The following PLAC1 variants were observed in gnomAD, a reference collection of about 807,000 sequenced individuals.
PLAC1 encodes the protein placenta associated 1.
For missense variants in PLAC1, 136 were observed against 163.2 expected (o/e 0.83, Z 0.91); for synonymous variants, 68 against 62.1 (o/e 1.09, Z -0.44).
In PLAC1 at chrX:134,616,981, C is replaced by CT. The variant is rs764965156; in HGVS notation, c.-130-14860dup. 2.3e-3 allele frequency among the ~76,000 whole-genome samples: 227 copies of CT among 98,809 alleles called. 1 individual carries two copies. Among genetic ancestry groups the CT allele is most frequent in the Middle Eastern group, 5.2e-3 (1 of 193 alleles). 85.8% of individuals were successfully genotyped at this position (98,809 alleles called of 115,157 possible). On this transcript the variant is annotated intron_variant, in intron 1 of 2. Transcript: ENST00000359237. ...ACTTCTTCCTTTCTTTTCTTTCTTT[C>CT]TTTTTTTTTTTGGTGGGGGGGTGGG...
At chrX:134,763,564 T>C (rs2078775968) in intron 1 of PLAC1, among the ~76,000 whole-genome samples, 2 of 111,280 alleles carry the variant, frequency 1.8e-5, no homozygotes, top group South Asian at 7.5e-4. Flanking sequence ...CTCACGCCTA[T>C]AATCCCAGCA....
chrX:134,599,197 G>A (rs2078077115), intron 2 of PLAC1, among the ~76,000 whole-genome samples: 1 of 111,647 alleles, frequency 9.0e-6, no homozygotes, highest in South Asian at 3.8e-4. Flanking sequence ...AGGATTGTGT[G>A]ATTTCTTTGA....
chrX:134,591,209 C>G (rs767826685), intron 2 of PLAC1, among the ~76,000 whole-genome samples: 1 of 112,194 alleles, frequency 8.9e-6, no homozygotes, highest in Non-Finnish European at 1.9e-5. Context: ...GCATGAAAAT[C>G]TGTCATCTTG....
chrX:134,676,335 G>C (rs977728148), intron 2 of PLAC1, among the ~76,000 whole-genome samples: 2 of 111,201 alleles, frequency 1.8e-5, no homozygotes, highest in African/African-American at 6.5e-5. Context: ...GACCGGAGCA[G>C]ATAAGCTCCG....
exon 2 of PLAC1, chrX:134,733,486 T>C (rs941146623): frequency 1.8e-5 from 2 of 111,883 alleles, no homozygotes; most frequent in Admixed American, 9.5e-5. Flanking sequence ...GCCTTTCTCC[T>C]TCAGACTTCG....
At chrX:134,617,477 G>T (rs1036944333) in intron 1 of PLAC1, among the ~76,000 whole-genome samples, 1 of 111,909 alleles carries the variant, frequency 8.9e-6, no homozygotes, top group Admixed American at 9.5e-5. Flanking sequence ...TTCACAAATG[G>T]TCTTTACTGT....
At chrX:134,696,332 G>A (rs1369378001) in intron 2 of PLAC1, among the ~76,000 whole-genome samples, 6 of 111,501 alleles carry the variant, frequency 5.4e-5, no homozygotes, top group African/African-American at 1.6e-4. Context: ...TTGATGGGGA[G>A]TGGGTGGGTA....
At chrX:134,573,186 C>T (rs779613881) in intron 2 of PLAC1, among the ~76,000 whole-genome samples, 42 of 111,857 alleles carry the variant, frequency 3.8e-4, no homozygotes, top group Non-Finnish European at 6.2e-4. Context: ...ATGGGAACTC[C>T]TCCCCTTTTG....
chrX:134,629,968 C>CTTTTT (rs368081621), intron 1 of PLAC1, among the ~76,000 whole-genome samples: 2 of 89,901 alleles, frequency 2.2e-5, no homozygotes, highest in African/African-American at 8.3e-5. Context: ...CTCTTCTTCC[C>CTTTTT]TTTTTTTTTT....
At chrX:134,648,608 C>T (rs1318351253) in intron 1 of PLAC1, among the ~76,000 whole-genome samples, 3 of 111,720 alleles carry the variant, frequency 2.7e-5, no homozygotes, top group African/African-American at 6.5e-5. Context: ...ATCGCTTGAA[C>T]CCAGGAGGCA....
intron 1 of PLAC1, among the ~76,000 whole-genome samples, chrX:134,656,090 G>A (rs920742898): frequency 8.9e-6 from 1 of 111,816 alleles, no homozygotes; most frequent in Non-Finnish European, 1.9e-5. Context: ...TGCCAGAATC[G>A]TCCCCTGAAC....
intron 2 of PLAC1, among the ~76,000 whole-genome samples, chrX:134,704,142 C>T (rs189541125): frequency 2.8e-5 from 3 of 107,343 alleles, no homozygotes; most frequent in African/African-American, 1.0e-4. Context: ...GAAATAAAAA[C>T]ATTAATCAAC....
At chrX:134,727,057 C>A (rs375603826) in intron 2 of PLAC1, among the ~76,000 whole-genome samples, 7 of 110,781 alleles carry the variant, frequency 6.3e-5, no homozygotes, top group Admixed American at 2.9e-4. Flanking sequence ...TCTCTGATTA[C>A]CTCCCAATTT....
intron 1 of PLAC1, among the ~76,000 whole-genome samples, chrX:134,760,917 G>C (rs1038013472): frequency 1.8e-5 from 2 of 110,863 alleles, no homozygotes; most frequent in African/African-American, 6.6e-5. Flanking sequence ...AGACTAGACT[G>C]CTTGTGGGTA....
chrX:134,683,608 T>C (rs2078506104), intron 2 of PLAC1, among the ~76,000 whole-genome samples: 1 of 112,133 alleles, frequency 8.9e-6, no homozygotes, highest in South Asian at 3.7e-4. Context: ...ATGATGGGGA[T>C]GGCTTTTGGT....
At chrX:134,568,341 C>G (rs1156869103) in intron 2 of PLAC1, among the ~76,000 whole-genome samples, 1 of 112,909 alleles carries the variant, frequency 8.9e-6, no homozygotes, top group Non-Finnish European at 1.9e-5. Context: ...TTCTCTTTTT[C>G]CCCAGTTGCA....
chrX:134,607,810 G>A (rs1332439918), intron 1 of PLAC1, among the ~76,000 whole-genome samples: 1 of 110,952 alleles, frequency 9.0e-6, no homozygotes, highest in Non-Finnish European at 1.9e-5. Context: ...GGCAGCCTCC[G>A]GGAGGTGAGA....
chrX:134,653,128 T>C (rs987174049), intron 1 of PLAC1, among the ~76,000 whole-genome samples: 5 of 112,625 alleles, frequency 4.4e-5, no homozygotes, highest in Non-Finnish European at 9.4e-5. Flanking sequence ...TGGGGCCATA[T>C]ATGAGAAGAG....
At chrX:134,743,895 G>T (rs886727436) in intron 1 of PLAC1, among the ~76,000 whole-genome samples, 26 of 112,485 alleles carry the variant, frequency 2.3e-4, no homozygotes, top group African/African-American at 8.4e-4. Flanking sequence ...AACCGAACGT[G>T]AATACTGAAT....
Sources: allele counts gnomAD v4.1 joint callset (sites outside exome capture counted in the v4.1 genomes callset), GRCh38; gene constraint gnomAD v4.1.1; transcripts MANE v1.5; gene names NCBI Gene and HGNC (gene_info 2026-07-23, HGNC 2026-07-21).